The following ADCY5 variants were observed in gnomAD, a reference collection of about 807,000 sequenced individuals.
ADCY5 encodes the protein adenylate cyclase type 5.
Under a neutral mutation model 119.7 loss-of-function variants are expected in ADCY5, and 30 were observed. The observed-to-expected ratio is 0.25, with a 90% CI of 0.19 to 0.34. ADCY5 has a LOEUF of 0.34. Among genes scored for constraint, ADCY5 ranks in the 10% least tolerant of loss-of-function variants. The probability of loss-of-function intolerance (pLI) is 1.00; values close to 1 mark genes in which losing one functional copy is unlikely to be tolerated. For synonymous variants in ADCY5, 753 were observed against 762.2 expected (o/e 0.99, Z 0.20); for missense variants, 1,324 against 1,775.2 (o/e 0.75, Z 4.57).
intron 1 of ADCY5, among the ~76,000 whole-genome samples, chr3:123,407,469 T>C (rs1248758166): frequency 1.3e-5 from 2 of 151,618 alleles, no homozygotes; most frequent in Non-Finnish European, 2.9e-5. Context: ...ATTTTGCAAA[T>C]GCCAGGTATA....
chr3:123,424,080 C>A (rs1452792014), intron 1 of ADCY5, among the ~76,000 whole-genome samples: 3 of 152,224 alleles, frequency 2.0e-5, no homozygotes, highest in Non-Finnish European at 4.4e-5. Flanking sequence ...GATGGCTGGG[C>A]CTGAGACAAG....
chr3:123,446,510 G>A (rs990300466), intron 1 of ADCY5, among the ~76,000 whole-genome samples: 7 of 152,218 alleles, frequency 4.6e-5, no homozygotes, highest in African/African-American at 1.7e-4. Context: ...GGACACTAAA[G>A]GGAGATATGG....
At chr3:123,295,231 T>A (rs1345831119) in intron 17 of ADCY5, among the ~76,000 whole-genome samples, 1 of 152,040 alleles carries the variant, frequency 6.6e-6, no homozygotes, top group African/African-American at 2.4e-5. Context: ...CTCTAAGAAG[T>A]CTGGGATGGA....
In ADCY5 at chr3:123,393,927, A is replaced by G. The variant is rs1944469952; in HGVS notation, c.1135-41346T>C. On this transcript the variant is annotated intron_variant, in intron 1 of 20. Coordinates refer to ENST00000462833, the MANE Select transcript of ADCY5 (RefSeq NM_183357.3). Reference sequence around the variant, plus strand: ...TAAGGGCAGATCATTTGAGGTCAGGAGTTCGAGACCAGGCTGGCCAACATG... The same window carrying G: ...TAAGGGCAGATCATTTGAGGTCAGGGGTTCGAGACCAGGCTGGCCAACATG... 4.6e-5 allele frequency among the ~76,000 whole-genome samples: 7 copies of G among 152,308 alleles called. No homozygotes were observed. In the South Asian group the frequency reaches 1.4e-3, roughly 32 times the overall value.
chr3:123,443,330 C>A (rs996757760), intron 1 of ADCY5, among the ~76,000 whole-genome samples: 1 of 152,158 alleles, frequency 6.6e-6, no homozygotes. Context: ...GAAAAGCAAA[C>A]GGCCAGGGGA....
In ADCY5 at chr3:123,323,599, G is replaced by T. The variant is rs571750534; in HGVS notation, c.2088+1723C>A. On this transcript the variant is annotated intron_variant, in intron 8 of 20. Transcript: ENST00000462833. ...CCTGCTCAATGCCTCCTCTCTCTCGGCTCTCCTGCCCCTTTGCTGTCCCTG... is the reference window on the plus strand; with the variant it reads ...CCTGCTCAATGCCTCCTCTCTCTCGTCTCTCCTGCCCCTTTGCTGTCCCTG... Among the ~76,000 whole-genome samples the T allele has an allele frequency of 5.9e-5, 9 of 151,648 alleles. No individual in the cohort carries two copies. The East Asian group carries it at 1.8e-3, about 30-fold the overall frequency.
intron 16 of ADCY5, 194 bp downstream of exon 16, chr3:123,297,159 T>G (rs957435533): frequency 1.4e-6 from 2 of 1,381,334 alleles, no homozygotes; most frequent in African/African-American, 2.9e-5. Context: ...GCAGGGATCA[T>G]GAAAGTGACC....
At chr3:123,305,839 AAG>A (rs1414455411) in intron 12 of ADCY5, among the ~76,000 whole-genome samples, 1 of 152,180 alleles carries the variant, frequency 6.6e-6, no homozygotes, top group African/African-American at 2.4e-5. Flanking sequence ...AGCACAGGGA[AAG>A]AGGGGACCAC....
At chr3:123,330,131 G>T (rs1941690736) in intron 5 of ADCY5, among the ~76,000 whole-genome samples, 3 of 152,224 alleles carry the variant, frequency 2.0e-5, no homozygotes, top group Admixed American at 2.0e-4. Flanking sequence ...GCTCAGGCTT[G>T]CTGGGGACAC....
rs776449908 is a variant in ADCY5, at chr3:123,286,696, C to T, written c.3646G>A (p.Asp1216Asn). The T allele has an allele frequency of 2.3e-5, 37 of 1,611,070 alleles. No individual in the cohort carries two copies. Among genetic ancestry groups the T allele is most frequent in the East Asian group, 1.3e-4 (6 of 44,858 alleles). ...ASRMDSTGVP[D>N]RIQVTTDMYQ... Reference sequence around the variant, plus strand: ...GCTCCTGCACTCACCTGGATGCGGTCGGGTACACCGGTGCTGTCCATGCGG... The same window carrying T: ...GCTCCTGCACTCACCTGGATGCGGTTGGGTACACCGGTGCTGTCCATGCGG... The change falls in exon 20 of 21, where the codon GAC becomes AAC. Residue 1216 changes from aspartate (D) to asparagine (N), a missense_variant. This residue lies in a region of ADCY5 where 178 missense variants were observed against 329.6 expected (regional missense o/e 0.54). Coordinates refer to ENST00000462833, the MANE Select transcript of ADCY5 (RefSeq NM_183357.3). This position sits in a 1 kb window ranked among gnomAD's most constrained non-coding sequence, Gnocchi z 4.2.
intron 9 of ADCY5, among the ~76,000 whole-genome samples, chr3:123,320,290 G>A (rs1158284069): frequency 6.6e-6 from 1 of 152,182 alleles, no homozygotes; most frequent in African/African-American, 2.4e-5. Flanking sequence ...TTGAGAAGCA[G>A]GTTTCATAGA....
At chr3:123,424,155 G>A (rs568027023) in intron 1 of ADCY5, among the ~76,000 whole-genome samples, 4 of 152,382 alleles carry the variant, frequency 2.6e-5, no homozygotes, top group Middle Eastern at 3.4e-3. Context: ...GCACACGCAC[G>A]TGGGACTGTG....
chr3:123,341,081 T>A (rs935692635), intron 3 of ADCY5, among the ~76,000 whole-genome samples: 1 of 151,844 alleles, frequency 6.6e-6, no homozygotes, highest in African/African-American at 2.4e-5. Flanking sequence ...GCCAAGATCA[T>A]GCCACTGTAC....
intron 1 of ADCY5, among the ~76,000 whole-genome samples, chr3:123,353,904 C>T (rs1002604174): frequency 2.6e-5 from 4 of 152,280 alleles, no homozygotes; most frequent in African/African-American, 4.8e-5. Flanking sequence ...GTGTGTGCCC[C>T]GGTCCATGAA....
At chr3:123,394,403 G>C (rs535056869) in intron 1 of ADCY5, among the ~76,000 whole-genome samples, 1 of 152,200 alleles carries the variant, frequency 6.6e-6, no homozygotes, top group South Asian at 2.1e-4. Flanking sequence ...TGAGAGCGGG[G>C]AAATAGCCAA....
At position 123,416,397 on chromosome 3, in the gene ADCY5, G is replaced by A. The variant is rs7641344; in HGVS notation, c.1134+31015C>T. 54,131 of 1,450,452 alleles carry A rather than the reference G, an allele frequency of 0.037. 6,352 individuals are homozygous for A. In the East Asian group the frequency reaches 0.4, roughly 11 times the overall value. 89.8% of individuals were successfully genotyped at this position (1,450,452 alleles called of 1,614,324 possible). A position where few individuals can be genotyped will look rare whatever the true frequency, so the allele number is the denominator to read the frequency against. The stretch of plus-strand genomic sequence containing the variant: ...GAAGACACCAGGCTGCTTAACAGTG[G>A]AACAGCCTGGACAACCTCCCAAAGG... On this transcript the variant is annotated intron_variant, in intron 1 of 20. Coordinates refer to ENST00000462833, the MANE Select transcript of ADCY5 (RefSeq NM_183357.3).
rs1301387464 is a variant in ADCY5 at position 123,286,384 on chromosome 3, G to A, written c.3657+301C>T. The stretch of plus-strand genomic sequence containing the variant: ...TGTGCCTGGGCTAGGAGGCACTGGG[G>A]CCTGCATGTGCACTCTCAGCTCGGC... On this transcript the variant is annotated intron_variant, in intron 20 of 20. Transcript: ENST00000462833. The surrounding 1 kb of genome is among the most constrained non-coding windows in gnomAD (Gnocchi z 4.2). Among the ~76,000 whole-genome samples the A allele has an allele frequency of 6.6e-6, 1 of 152,186 alleles. No individual in the cohort carries two copies. The highest frequency in any genetic ancestry group is 1.5e-5 in the Non-Finnish European group (1 of 68,028).
intron 1 of ADCY5, among the ~76,000 whole-genome samples, chr3:123,383,857 GCACA>G (rs1273129077): frequency 7.4e-5 from 11 of 148,594 alleles, no homozygotes; most frequent in Admixed American, 4.0e-4. Context: ...CTCAAGGCAC[GCACA>G]CACACACACA....
At chr3:123,414,034 G>A (rs1485682694) in intron 1 of ADCY5, among the ~76,000 whole-genome samples, 1 of 152,142 alleles carries the variant, frequency 6.6e-6, no homozygotes, top group Non-Finnish European at 1.5e-5. Context: ...AACGCAGAAG[G>A]GAGGAGGGAG....
Sources: allele counts gnomAD v4.1 joint callset (sites outside exome capture counted in the v4.1 genomes callset), GRCh38; gene constraint gnomAD v4.1.1; regional missense constraint gnomAD v4.1.1; non-coding constraint Gnocchi (gnomAD v3.1); transcripts MANE v1.5; gene names NCBI Gene and HGNC (gene_info 2026-07-23, HGNC 2026-07-21).